Variants in DNER observed in about 807,000 individuals in gnomAD.
The protein encoded by DNER is delta and Notch-like epidermal growth factor-related receptor.
In DNER, 33 loss-of-function variants were observed where a neutral mutation model predicts 78.2. That is an observed-to-expected ratio of 0.42 (90% CI 0.32 to 0.56). The LOEUF (loss-of-function observed/expected upper bound fraction) is 0.56, where lower values mean the gene tolerates loss of function less well. Ranked by LOEUF, DNER falls within the 20% of genes least tolerant of loss-of-function variation. The probability of loss-of-function intolerance (pLI) is 0.11; values close to 1 mark genes in which losing one functional copy is unlikely to be tolerated. For missense variants in DNER, 918 were observed against 975.3 expected (o/e 0.94, Z 0.78); for synonymous variants, 417 against 384.8 (o/e 1.08, Z -0.98).
intron 5 of DNER, among the ~76,000 whole-genome samples, chr2:229,527,592 C>G (rs995744440): frequency 2.6e-5 from 4 of 152,188 alleles, no homozygotes; most frequent in Non-Finnish European, 4.4e-5. Flanking sequence ...GGTTGAGAAA[C>G]CACCCTAGAT....
At chr2:229,426,953 C>T (rs552198150) in intron 8 of DNER, among the ~76,000 whole-genome samples, 3 of 152,202 alleles carry the variant, frequency 2.0e-5, no homozygotes, top group Non-Finnish European at 4.4e-5. Flanking sequence ...CAGACAATAG[C>T]TGCTGATGTT....
chr2:229,648,020 A>T (rs956448181), intron 1 of DNER, among the ~76,000 whole-genome samples: 5 of 152,226 alleles, frequency 3.3e-5, no homozygotes, highest in Non-Finnish European at 7.3e-5. Flanking sequence ...AGAAATAGGA[A>T]TATACACTTT....
chr2:229,358,763 T>C, intron 12 of DNER, 112 bp from the exon 13 acceptor site: 1 of 834,686 alleles, frequency 1.2e-6, no homozygotes. Flanking sequence ...TGTAAAAACA[T>C]ATTCTATAGC....
At chr2:229,532,247 C>T (rs1014798963) in intron 5 of DNER, among the ~76,000 whole-genome samples, 4 of 152,184 alleles carry the variant, frequency 2.6e-5, no homozygotes, top group Non-Finnish European at 5.9e-5. Context: ...TCCTCCCCTT[C>T]TCTGCAGCTT....
intron 9 of DNER, among the ~76,000 whole-genome samples, chr2:229,408,513 C>T (rs182897659): frequency 1.9e-4 from 29 of 152,176 alleles, no homozygotes; most frequent in African/African-American, 5.5e-4. Context: ...ATGATATGCC[C>T]ACACTTCCCA....
chr2:229,590,912 G>A (rs1312525217), intron 2 of DNER, among the ~76,000 whole-genome samples: 1 of 152,180 alleles, frequency 6.6e-6, no homozygotes, highest in African/African-American at 2.4e-5. Flanking sequence ...CGTCCCCTTG[G>A]TGATAAGTGA....
At chr2:229,701,713 A>G (rs1268686280) in intron 1 of DNER, 2 of 152,250 alleles carry the variant, frequency 1.3e-5, no homozygotes, top group Non-Finnish European at 2.9e-5. Flanking sequence ...TGGCATCTCC[A>G]GGGTATGTGG....
intron 1 of DNER, among the ~76,000 whole-genome samples, chr2:229,660,575 T>A (rs1318697708): frequency 3.3e-5 from 5 of 152,156 alleles, no homozygotes; most frequent in African/African-American, 1.2e-4. Context: ...TTCCCCAGCC[T>A]GGTGGAGAAA....
At chr2:229,442,235 G>A (rs1023883831) in intron 8 of DNER, among the ~76,000 whole-genome samples, 3 of 152,240 alleles carry the variant, frequency 2.0e-5, no homozygotes, top group Admixed American at 6.5e-5. Context: ...TGCCTTCATC[G>A]GCCGGGAGCA....
chr2:229,457,290 T>A (rs969965481), intron 7 of DNER, among the ~76,000 whole-genome samples: 2 of 152,056 alleles, frequency 1.3e-5, no homozygotes, highest in African/African-American at 2.4e-5. Flanking sequence ...CTTAATTTCT[T>A]TTAAAAATGG....
chr2:229,623,020 T>G (rs1698276610), intron 1 of DNER, among the ~76,000 whole-genome samples: 2 of 152,170 alleles, frequency 1.3e-5, no homozygotes, highest in Admixed American at 1.3e-4. Context: ...CAACCGTTGG[T>G]TTGTGCCACC....
chr2:229,536,121 G>GT (rs1006080879), intron 5 of DNER, among the ~76,000 whole-genome samples: 1 of 152,280 alleles, frequency 6.6e-6, no homozygotes, highest in South Asian at 2.1e-4. Context: ...AATGCTAAAA[G>GT]TTTTTCCCTC....
chr2:229,413,400 G>A (rs1437655688), intron 9 of DNER, among the ~76,000 whole-genome samples: 3 of 133,670 alleles, frequency 2.2e-5, no homozygotes, highest in African/African-American at 8.6e-5. Flanking sequence ...TCAGCTCACT[G>A]CAATCTCCGC....
intron 6 of DNER, among the ~76,000 whole-genome samples, chr2:229,493,697 C>G (rs1559148029): frequency 6.6e-6 from 1 of 152,206 alleles, no homozygotes; most frequent in Non-Finnish European, 1.5e-5. Context: ...TATTGAGCAC[C>G]TGCTTTGTGT....
chr2:229,522,016 CTTA>C (rs1359104031), intron 5 of DNER, among the ~76,000 whole-genome samples: 1 of 151,670 alleles, frequency 6.6e-6, no homozygotes, highest in Non-Finnish European at 1.5e-5. Context: ...AATGTTGTAG[CTTA>C]TTATAAAAAA....
chr2:229,615,308 A>G (rs113189540), intron 1 of DNER, among the ~76,000 whole-genome samples: 5 of 151,548 alleles, frequency 3.3e-5, no homozygotes, highest in Non-Finnish European at 7.4e-5. Flanking sequence ...CTACTCGGGA[A>G]GCTGAGGCAG....
chr2:229,615,983 A>G (rs185392650), intron 1 of DNER, among the ~76,000 whole-genome samples: 15 of 151,666 alleles, frequency 9.9e-5, no homozygotes, highest in African/African-American at 3.7e-4. Context: ...AAAGTGAAGG[A>G]ACCCCTTTTA....
At chr2:229,445,766 TC>T (rs1234175640) in intron 8 of DNER, among the ~76,000 whole-genome samples, 1 of 100 alleles carries the variant, frequency 0.01, no homozygotes. Flanking sequence ...TTAAAATAAA[TC>T]TCTCTCTCTC....
At chr2:229,670,794 T>C (rs1163655753) in intron 1 of DNER, among the ~76,000 whole-genome samples, 4 of 152,236 alleles carry the variant, frequency 2.6e-5, no homozygotes, top group Non-Finnish European at 4.4e-5. Context: ...GCTCCGTAAA[T>C]GTGGCTACTT....
Sources: gnomAD v4.1 joint callset for allele counts (sites outside exome capture counted in the v4.1 genomes callset) on GRCh38, gnomAD v4.1.1 for gene constraint, MANE v1.5 for transcripts, NCBI Gene and HGNC (gene_info 2026-07-23, HGNC 2026-07-21) for gene names.